Variants in LY86 observed in about 807,000 individuals in gnomAD.
LY86 encodes the protein lymphocyte antigen 86, also known as MD-1, RP105-associated.
In LY86, 20 loss-of-function variants were observed where a neutral mutation model predicts 17.3. That is an observed-to-expected ratio of 1.15 (90% CI 0.81 to 1.68). LY86 has a LOEUF of 1.68. Among genes scored for constraint, LY86 ranks in the 40% most tolerant of loss-of-function variants. LY86 has a pLI of 0.00. For synonymous variants in LY86, 74 were observed against 70.6 expected, an observed-to-expected ratio of 1.05 and a Z score of -0.24; for missense variants, 200 against 191.9, an observed-to-expected ratio of 1.04 and a Z score of -0.25.
intron 1 of LY86, among the ~76,000 whole-genome samples, chr6:6,592,381 A>AGACT: frequency 6.6e-6 from 1 of 152,342 alleles, no homozygotes; most frequent in East Asian, 1.9e-4. Context: ...AAAAGCCCAG[A>AGACT]GACTCCACTC....
chr6:6,588,786 T>C lies in LY86; in HGVS notation c.52T>C (p.Cys18Arg), dbSNP rs775013585. The change falls in exon 1 of 5, where the codon TGC (cysteine) becomes CGC (arginine). Residue 18 changes from cysteine to arginine, a missense_variant. By Grantham distance (180) the Cys-to-Arg change is radical (BLOSUM62 -3). Transcript: ENST00000230568. ...CCTCTGGACTCTGATTTTTCCCAGC[T>C]GCAGTGGAGGCGGCGGTGGGAAAGC... is the stretch of plus-strand genomic sequence containing the variant. ...LFLWTLIFPS[C>R]SGGGGGKAWP... is the part of the protein sequence containing the mutation. 5.0e-6 allele frequency: 8 copies of C among 1,614,196 alleles called. No homozygotes were observed. Among genetic ancestry groups the C allele is most frequent in the Non-Finnish European group, 6.8e-6 (8 of 1,180,002 alleles).
intron 1 of LY86, among the ~76,000 whole-genome samples, chr6:6,607,819 G>C: frequency 6.6e-6 from 1 of 152,024 alleles, no homozygotes; most frequent in Non-Finnish European, 1.5e-5. Context: ...AGAATCGCTT[G>C]AACCCGGGAG....
chr6:6,613,546 G>A (rs1761459357), intron 1 of LY86, among the ~76,000 whole-genome samples: 1 of 152,118 alleles, frequency 6.6e-6, no homozygotes, highest in African/African-American at 2.4e-5. Flanking sequence ...TCCGAGTGCG[G>A]GGCCCGCCGA....
At chr6:6,635,763 A>T (rs1262674356) in intron 3 of LY86, among the ~76,000 whole-genome samples, 1 of 152,128 alleles carries the variant, frequency 6.6e-6, no homozygotes, top group African/African-American at 2.4e-5. Context: ...ATGGGAACTC[A>T]TGTGCCTTGG....
intron 1 of LY86, among the ~76,000 whole-genome samples, chr6:6,593,600 AT>A (rs1184409032): frequency 6.6e-6 from 1 of 152,212 alleles, no homozygotes; most frequent in Non-Finnish European, 1.5e-5. Flanking sequence ...GCTGCTGATG[AT>A]TTTGTACAGT....
intron 1 of LY86, among the ~76,000 whole-genome samples, chr6:6,622,472 A>C (rs1345986953): frequency 6.6e-6 from 1 of 152,188 alleles, no homozygotes; most frequent in Non-Finnish European, 1.5e-5. Context: ...TATCGTCTCC[A>C]ACCCCCTGCT....
intron 3 of LY86, among the ~76,000 whole-genome samples, chr6:6,638,901 A>C (rs1018085623): frequency 2.7e-5 from 4 of 147,464 alleles, no homozygotes; most frequent in Non-Finnish European, 5.9e-5. Flanking sequence ...GAATGAGAAC[A>C]TGCGCCCAGC....
chr6:6,649,514 C>T, intron 3 of LY86, 111 bp from the exon 4 acceptor site: 13 of 662,250 alleles, frequency 2.0e-5, no homozygotes, highest in Admixed American at 2.9e-5. Flanking sequence ...AATAGCTGCT[C>T]TTATTTTGGT....
intron 3 of LY86, among the ~76,000 whole-genome samples, chr6:6,640,942 C>T (rs988725260): frequency 6.6e-6 from 1 of 152,130 alleles, no homozygotes; most frequent in Non-Finnish European, 1.5e-5. Context: ...TCACATGCCT[C>T]GTCAAACGGA....
intron 1 of LY86, among the ~76,000 whole-genome samples, chr6:6,603,046 G>A (rs1760962244): frequency 6.6e-6 from 1 of 152,200 alleles, no homozygotes; most frequent in Non-Finnish European, 1.5e-5. Flanking sequence ...TCAGTGTCTA[G>A]GGAGCGCTCA....
intron 1 of LY86, among the ~76,000 whole-genome samples, chr6:6,611,306 G>A (rs1761325821): frequency 6.6e-6 from 1 of 152,028 alleles, no homozygotes; most frequent in Non-Finnish European, 1.5e-5. Flanking sequence ...CATAACATAG[G>A]CTCCTACTCC....
chr6:6,603,658 G>T, intron 1 of LY86, among the ~76,000 whole-genome samples: 1 of 133,786 alleles, frequency 7.5e-6, no homozygotes, highest in Non-Finnish European at 1.6e-5. Flanking sequence ...CACACACAGA[G>T]TGGAAAACCA....
rs560071203 is a variant in LY86, at chr6:6,626,299, AC to A, written c.231del (p.Asp77GlufsTer9). 1 of 1,613,918 alleles carries A rather than the reference AC, an allele frequency of 6.2e-7. No homozygotes were observed. The highest frequency in any genetic ancestry group is 1.3e-5 in the African/African-American group (1 of 75,066). ...NIRFGIILRE[D>X]IKELFLDLAL... is the part of the protein sequence containing the mutation. ...GTTCTTCTCTTTCCTCCAGGAGAGG[AC>A]ATCAAAGAGCTTTTTCTTGACCTAG... is the stretch of plus-strand genomic sequence containing the variant. On this transcript the variant is annotated frameshift_variant, in exon 3 of 5. Coordinates refer to ENST00000230568, the MANE Select transcript of LY86 (RefSeq NM_004271.4). LOFTEE classifies it high-confidence loss of function.
chr6:6,612,251 C>T (rs113474817), intron 1 of LY86, among the ~76,000 whole-genome samples: 20 of 152,148 alleles, frequency 1.3e-4, no homozygotes, highest in African/African-American at 4.8e-4. Flanking sequence ...GAGTTTATTC[C>T]TTCTGATGTT....
At chr6:6,647,209 A>G (rs1762118968) in intron 3 of LY86, among the ~76,000 whole-genome samples, 2 of 152,168 alleles carry the variant, frequency 1.3e-5, no homozygotes, top group South Asian at 4.1e-4. Flanking sequence ...CTTCTCTCAA[A>G]TGCAGGAGGG....
chr6:6,616,037 C>G (rs1036625396), intron 1 of LY86, among the ~76,000 whole-genome samples: 8 of 152,204 alleles, frequency 5.3e-5, no homozygotes, highest in South Asian at 4.1e-4. Context: ...TCCTTTTGCC[C>G]AATTATTAAC....
intron 3 of LY86, among the ~76,000 whole-genome samples, chr6:6,630,204 T>C (rs982211114): frequency 1.1e-4 from 16 of 152,228 alleles, no homozygotes; most frequent in African/African-American, 3.6e-4. Flanking sequence ...TAAATTCTCT[T>C]CCCCTGGGAA....
intron 1 of LY86, among the ~76,000 whole-genome samples, chr6:6,598,606 C>G (rs565334079): frequency 6.6e-6 from 1 of 152,328 alleles, no homozygotes. Context: ...TATGCCTCTT[C>G]CTTCACAAAG....
chr6:6,628,488 C>T (rs3804477), intron 3 of LY86, among the ~76,000 whole-genome samples: 39,800 of 151,762 alleles, frequency 0.26, 6,152 homozygotes, highest in Non-Finnish European at 0.33. Context: ...GTGTGGCCCA[C>T]TTGCTATTTG....
Sources: allele counts gnomAD v4.1 joint callset (sites outside exome capture counted in the v4.1 genomes callset), GRCh38; gene constraint gnomAD v4.1.1; transcripts MANE v1.5; gene names NCBI Gene and HGNC (gene_info 2026-07-23, HGNC 2026-07-21).